CTNNA3: variants seen among roughly 807,000 people sequenced by gnomAD.
The protein encoded by CTNNA3 is catenin alpha-3.
CTNNA3 carries 76 observed loss-of-function variants against 95.7 expected under a neutral mutation model. The observed-to-expected ratio is 0.79, with a 90% CI of 0.66 to 0.96. The LOEUF (loss-of-function observed/expected upper bound fraction) is 0.96. Ranked by LOEUF, CTNNA3 falls within the 40% of genes least tolerant of loss-of-function variation. The pLI, the probability that CTNNA3 is intolerant of heterozygous loss-of-function variation, is 0.00. For synonymous variants in CTNNA3, 431 were observed against 374.4 expected (o/e 1.15, Z -1.74); for missense variants, 1,191 against 1,089.8 (o/e 1.09, Z -1.31).
intron 5 of CTNNA3, among the ~76,000 whole-genome samples, chr10:67,230,932 G>T (rs533267514): frequency 2.0e-5 from 3 of 152,164 alleles, no homozygotes; most frequent in Non-Finnish European, 2.9e-5. Context: ...CTGGAAGATC[G>T]GGTCACTCCC....
At chr10:66,227,581 T>C (rs903426687) in intron 13 of CTNNA3, among the ~76,000 whole-genome samples, 1 of 152,202 alleles carries the variant, frequency 6.6e-6, no homozygotes, top group African/African-American at 2.4e-5. Context: ...TGTTAGTTTT[T>C]TGTTGAGGAT....
chr10:67,515,480 G>A (rs1839782259), intron 5 of CTNNA3, among the ~76,000 whole-genome samples: 2 of 152,194 alleles, frequency 1.3e-5, no homozygotes, highest in Admixed American at 1.3e-4. Context: ...GATAGAATAT[G>A]TTTGGGTTGG....
intron 17 of CTNNA3, among the ~76,000 whole-genome samples, chr10:65,930,990 A>G (rs1170629408): frequency 2.6e-5 from 4 of 152,228 alleles, no homozygotes; most frequent in Non-Finnish European, 5.9e-5. Flanking sequence ...TGATTTTTAA[A>G]TAAAACATCA....
intron 6 of CTNNA3, among the ~76,000 whole-genome samples, chr10:67,205,976 C>T (rs1278338945): frequency 6.6e-6 from 1 of 152,162 alleles, no homozygotes; most frequent in Non-Finnish European, 1.5e-5. Context: ...AACCTGGAAA[C>T]CATCTCTTTT....
chr10:67,726,329 ACATAT>A (rs1841216066), intron 1 of CTNNA3, among the ~76,000 whole-genome samples: 1 of 66,188 alleles, frequency 1.5e-5, no homozygotes, highest in African/African-American at 7.3e-5. Flanking sequence ...ATATTATCTT[ACATAT>A]TATATATAAT....
At position 66,284,840 on chromosome 10, in the gene CTNNA3, T is replaced by C. The variant is rs538589604; in HGVS notation, c.1733-4219A>G. Among the ~76,000 whole-genome samples the C allele has an allele frequency of 5.9e-5, 9 of 152,048 alleles. No individual in the cohort carries two copies. The East Asian group carries it at 1.7e-3, about 29-fold the overall frequency. ...AATGCTAAGTCATCATTTCTTTAGG[T>C]TATGTTAAGTAACTGGGAGAGAATT... On this transcript the variant is annotated intron_variant, in intron 12 of 17. Coordinates refer to ENST00000433211, the MANE Select transcript of CTNNA3 (RefSeq NM_013266.4).
At chr10:66,733,260 A>C (rs10822905) in intron 9 of CTNNA3, among the ~76,000 whole-genome samples, 2 of 151,856 alleles carry the variant, frequency 1.3e-5, no homozygotes, top group East Asian at 3.9e-4. Flanking sequence ...CATCTCTTTA[A>C]CTCTCTTGTG....
intron 5 of CTNNA3, among the ~76,000 whole-genome samples, chr10:67,375,826 G>T (rs537301908): frequency 6.6e-6 from 1 of 152,208 alleles, no homozygotes; most frequent in South Asian, 2.1e-4. Flanking sequence ...AATTCATAAG[G>T]GTGGCTGCCA....
At chr10:67,585,459 G>A (rs1381041065) in intron 3 of CTNNA3, among the ~76,000 whole-genome samples, 1 of 152,044 alleles carries the variant, frequency 6.6e-6, no homozygotes, top group Non-Finnish European at 1.5e-5. Context: ...AATCCATCTG[G>A]TCCTGGGCTT....
chr10:66,178,424 T>TACATATATATATAC (rs773951182), intron 13 of CTNNA3, among the ~76,000 whole-genome samples: 1 of 93,984 alleles, frequency 1.1e-5, no homozygotes, highest in Non-Finnish European at 2.0e-5. Flanking sequence ...TATATATATA[T>TACATATATATATAC]ATATATATAT....
chr10:67,661,099 G>T (rs1840172382), intron 1 of CTNNA3, among the ~76,000 whole-genome samples: 1 of 151,898 alleles, frequency 6.6e-6, no homozygotes, highest in African/African-American at 2.4e-5. Context: ...CCCTATGGAG[G>T]GCAAATATGC....
chr10:67,288,535 T>C (rs1458084650), intron 5 of CTNNA3, among the ~76,000 whole-genome samples: 3 of 152,192 alleles, frequency 2.0e-5, no homozygotes, highest in Admixed American at 6.5e-5. Context: ...TCAAATAAGA[T>C]TGCAACCTTA....
chr10:65,964,893 T>A (rs139389646), intron 17 of CTNNA3, among the ~76,000 whole-genome samples: 263 of 152,292 alleles, frequency 1.7e-3, no homozygotes, highest in African/African-American at 6.0e-3. Flanking sequence ...TATACACACA[T>A]ACATGCTGTG....
At chr10:67,189,973 T>C (rs1432960592) in intron 6 of CTNNA3, among the ~76,000 whole-genome samples, 1 of 152,154 alleles carries the variant, frequency 6.6e-6, no homozygotes, top group Non-Finnish European at 1.5e-5. Context: ...CCAATTCAAA[T>C]AGTGATGTGG....
At chr10:67,203,683 T>C (rs1863750973) in intron 6 of CTNNA3, among the ~76,000 whole-genome samples, 1 of 151,888 alleles carries the variant, frequency 6.6e-6, no homozygotes, top group South Asian at 2.1e-4. Context: ...TTTTCTTGCT[T>C]CCATTAAACC....
intron 12 of CTNNA3, among the ~76,000 whole-genome samples, chr10:66,289,808 T>C (rs2091649357): frequency 6.6e-6 from 1 of 152,072 alleles, no homozygotes; most frequent in African/African-American, 2.4e-5. Context: ...AAAGTAGTTA[T>C]AGAAATCCAA....
chr10:66,314,050 C>A (rs767706351), intron 12 of CTNNA3, among the ~76,000 whole-genome samples: 7 of 152,144 alleles, frequency 4.6e-5, no homozygotes, highest in Non-Finnish European at 1.0e-4. Context: ...AATAAATATA[C>A]TCATACATAC....
chr10:66,014,674 T>C (rs2079061327), intron 15 of CTNNA3, among the ~76,000 whole-genome samples: 1 of 152,188 alleles, frequency 6.6e-6, no homozygotes, highest in Non-Finnish European at 1.5e-5. Context: ...ATGTAGCTAC[T>C]GAGTACTTGA....
intron 4 of CTNNA3, among the ~76,000 whole-genome samples, chr10:67,537,561 C>G (rs1375136235): frequency 6.6e-6 from 1 of 152,140 alleles, no homozygotes; most frequent in Non-Finnish European, 1.5e-5. Context: ...CTGTGCCTAA[C>G]TCCTAGTGGA....
Sources: gnomAD v4.1 joint callset for allele counts (sites outside exome capture counted in the v4.1 genomes callset) on GRCh38, gnomAD v4.1.1 for gene constraint, MANE v1.5 for transcripts, NCBI Gene and HGNC (gene_info 2026-07-23, HGNC 2026-07-21) for gene names.